The following EXOC6 variants were observed in gnomAD, a reference collection of about 807,000 sequenced individuals.
EXOC6 encodes SEC15-like 1.
EXOC6 carries 60 observed loss-of-function variants against 112.5 expected under a neutral mutation model. The ratio of observed to expected loss-of-function variants is 0.53; its 90% confidence interval spans 0.43 to 0.66. EXOC6 has a LOEUF of 0.66. EXOC6 is among the 30% of genes least tolerant of loss of function. The pLI is 0.00. For missense variants in EXOC6, 855 were observed against 957.1 expected, an observed-to-expected ratio of 0.89 and a Z score of 1.41; for synonymous variants, 295 against 308.0, an observed-to-expected ratio of 0.96 and a Z score of 0.44.
chr10:92,830,384 T>C (rs886150104), upstream of EXOC6, among the ~76,000 whole-genome samples: 6 of 152,128 alleles, frequency 3.9e-5, no homozygotes, highest in Non-Finnish European at 8.8e-5. Context: ...CAGGGGTTCC[T>C]AGCAGACTAA....
chr10:92,924,180 C>T (rs1851585065), intron 8 of EXOC6, among the ~76,000 whole-genome samples: 1 of 152,072 alleles, frequency 6.6e-6, no homozygotes, highest in Non-Finnish European at 1.5e-5. Flanking sequence ...AAGAGAGAGT[C>T]CCTGTGAGAG....
At chr10:93,049,309 C>T (rs1032273786) in intron 20 of EXOC6, among the ~76,000 whole-genome samples, 5 of 152,144 alleles carry the variant, frequency 3.3e-5, no homozygotes, top group African/African-American at 1.2e-4. Context: ...GATCCACCCT[C>T]CTTGGCCTCC....
intron 18 of EXOC6, among the ~76,000 whole-genome samples, chr10:92,992,834 G>C (rs1843329257): frequency 1.3e-5 from 2 of 151,282 alleles, no homozygotes; most frequent in Admixed American, 1.3e-4. Context: ...TACTCTTTAG[G>C]AGAGCTACAA....
chr10:92,866,123 CAT>C (rs548554385), intron 1 of EXOC6, among the ~76,000 whole-genome samples: 61 of 150,376 alleles, frequency 4.1e-4, no homozygotes, highest in Admixed American at 6.6e-4. Context: ...AAAATAAAAG[CAT>C]CTACACAATT....
chr10:92,840,710 G>T (rs1192456944), intron 1 of EXOC6, among the ~76,000 whole-genome samples: 5 of 151,602 alleles, frequency 3.3e-5, no homozygotes, highest in Non-Finnish European at 7.4e-5. Context: ...TGTCAGTCAG[G>T]CTTGAATACA....
chr10:93,033,015 G>C (rs1379758553), intron 20 of EXOC6, among the ~76,000 whole-genome samples: 1 of 152,162 alleles, frequency 6.6e-6, no homozygotes, highest in Non-Finnish European at 1.5e-5. Flanking sequence ...ATAATGTAGT[G>C]TGCAAGAGGA....
At chr10:92,884,328 G>A (rs1430940139) in intron 1 of EXOC6, among the ~76,000 whole-genome samples, 2 of 152,188 alleles carry the variant, frequency 1.3e-5, no homozygotes, top group East Asian at 1.9e-4. Context: ...GTATTTGGAA[G>A]TCCATTTTCT....
chr10:92,894,210 T>TTG (rs1849643021), intron 2 of EXOC6, among the ~76,000 whole-genome samples: 1 of 152,180 alleles, frequency 6.6e-6, no homozygotes, highest in Non-Finnish European at 1.5e-5. Flanking sequence ...GCATCTTTGT[T>TTG]CAGAAATTAA....
chr10:93,006,464 A>G (rs1273658284), intron 19 of EXOC6, among the ~76,000 whole-genome samples: 1 of 152,198 alleles, frequency 6.6e-6, no homozygotes, highest in African/African-American at 2.4e-5. Context: ...CAAGAAATGG[A>G]GAAAACTAGA....
intron 20 of EXOC6, among the ~76,000 whole-genome samples, chr10:93,056,294 T>G (rs1846533926): frequency 6.6e-6 from 1 of 152,208 alleles, no homozygotes; most frequent in Admixed American, 6.6e-5. Context: ...AGAGGGTTTC[T>G]TTTTTGTTGT....
intron 1 of EXOC6, among the ~76,000 whole-genome samples, chr10:92,828,272 G>A (rs1846417677): frequency 1.3e-5 from 2 of 152,178 alleles, no homozygotes; most frequent in South Asian, 4.1e-4. Context: ...GCTAGTGATT[G>A]TTGTTTTCCT....
At chr10:92,903,707 A>G (rs897943603) in intron 5 of EXOC6, among the ~76,000 whole-genome samples, 2 of 151,916 alleles carry the variant, frequency 1.3e-5, no homozygotes, top group Non-Finnish European at 1.5e-5. Flanking sequence ...CAGAGTTCCC[A>G]TATACTTTTC....
chr10:93,007,912 C>G (rs1036495848), intron 19 of EXOC6, among the ~76,000 whole-genome samples: 2 of 151,866 alleles, frequency 1.3e-5, no homozygotes, highest in African/African-American at 4.8e-5. Context: ...CGGTGGCTCA[C>G]GCCTGTAATT....
intron 1 of EXOC6, among the ~76,000 whole-genome samples, chr10:92,836,569 T>C (rs1231446458): frequency 6.6e-6 from 1 of 152,224 alleles, no homozygotes; most frequent in Non-Finnish European, 1.5e-5. Context: ...CAAAGGCTAC[T>C]GTTAAAACAC....
chr10:92,845,681 G>A (rs1847025269), upstream of EXOC6, among the ~76,000 whole-genome samples: 1 of 152,112 alleles, frequency 6.6e-6, no homozygotes, highest in South Asian at 2.1e-4. Flanking sequence ...GCTCACGCCT[G>A]TAATCCCAAC....
intron 19 of EXOC6, among the ~76,000 whole-genome samples, chr10:93,005,682 C>G (rs746349355): frequency 2.6e-5 from 4 of 152,132 alleles, no homozygotes; most frequent in African/African-American, 9.7e-5. Flanking sequence ...TAAATTCATT[C>G]TGCCCAAATG....
Position 92,940,732 on chromosome 10 carries a change from T to C in EXOC6, c.1218T>C (p.Tyr406=). The C allele has an allele frequency of 6.3e-7, 1 of 1,594,382 alleles. No individual in the cohort carries two copies. The highest frequency in any genetic ancestry group is 8.6e-7 in the Non-Finnish European group (1 of 1,169,342). The change falls in exon 13 of 22, where the codon TAT becomes TAC. Residue 406 remains tyrosine (Y), a synonymous_variant. Transcript: ENST00000260762. The stretch of plus-strand genomic sequence containing the variant: ...TTTTTTTTTTTGTATTTTAGGGTTA[T>C]GGTTTTCCAGTGAACCGACTTTTTG... ...TVIFADTLQG[Y]GFPVNRLFDL...
intron 19 of EXOC6, among the ~76,000 whole-genome samples, chr10:93,005,726 C>T (rs1448934878): frequency 6.6e-6 from 1 of 152,176 alleles, no homozygotes. Context: ...AAGGGTTTAA[C>T]ATCTGAAATC....
At chr10:92,963,887 G>A (rs1854155892) in intron 17 of EXOC6, among the ~76,000 whole-genome samples, 2 of 151,760 alleles carry the variant, frequency 1.3e-5, no homozygotes, top group African/African-American at 4.8e-5. Flanking sequence ...TGATTTCTTA[G>A]TTCATTATGG....
Sources: gnomAD v4.1 joint callset for allele counts (sites outside exome capture counted in the v4.1 genomes callset) on GRCh38, gnomAD v4.1.1 for gene constraint, MANE v1.5 for transcripts, NCBI Gene and HGNC (gene_info 2026-07-23, HGNC 2026-07-21) for gene names.